Variants in DSCAM observed in about 807,000 individuals in gnomAD.
DSCAM encodes the protein DS cell adhesion molecule.
In DSCAM, 47 loss-of-function variants were observed where a neutral mutation model predicts 217.7. The ratio of observed to expected loss-of-function variants is 0.22; its 90% CI spans 0.17 to 0.28. The LOEUF is 0.28. DSCAM is among the 10% of genes least tolerant of loss of function. DSCAM has a pLI of 1.00. For synonymous variants in DSCAM, 1,056 were observed against 1,015.3 expected, an observed-to-expected ratio of 1.04 and a Z score of -0.76; for missense variants, 2,080 against 2,618.3, an observed-to-expected ratio of 0.79 and a Z score of 4.49.
chr21:40,078,626 A>G, intron 26 of DSCAM, 61 bp downstream of exon 26: 1 of 1,556,508 alleles, frequency 6.4e-7, no homozygotes, highest in East Asian at 2.3e-5. Flanking sequence ...GGAAAGGGGC[A>G]GGGCCCACGT....
At chr21:40,564,504 A>T (rs1382003647) in intron 3 of DSCAM, among the ~76,000 whole-genome samples, 3 of 152,060 alleles carry the variant, frequency 2.0e-5, no homozygotes, top group Non-Finnish European at 4.4e-5. Context: ...TTCTCTATCA[A>T]TACTTCTGGC....
chr21:40,233,307 A>G (rs1356744275), intron 11 of DSCAM, among the ~76,000 whole-genome samples: 2 of 152,200 alleles, frequency 1.3e-5, no homozygotes, highest in African/African-American at 4.8e-5. Flanking sequence ...ACCATATTAA[A>G]GTCCAAGTAA....
At chr21:40,079,028 A>G (rs1232613174) in intron 25 of DSCAM, 51 bp from the exon 26 acceptor site, 1 of 1,579,606 alleles carries the variant, frequency 6.3e-7, no homozygotes, top group African/African-American at 1.3e-5. Flanking sequence ...TGGGGAGGCC[A>G]TCAGCATCTT....
chr21:40,254,228 C>A (rs760052127), intron 11 of DSCAM, among the ~76,000 whole-genome samples: 13 of 152,106 alleles, frequency 8.5e-5, no homozygotes, highest in Non-Finnish European at 1.8e-4. Flanking sequence ...TGCATGATCT[C>A]CTCATATCAT....
At chr21:40,617,688 T>A (rs2089422362) in intron 3 of DSCAM, among the ~76,000 whole-genome samples, 1 of 152,234 alleles carries the variant, frequency 6.6e-6, no homozygotes, top group African/African-American at 2.4e-5. Flanking sequence ...AGCAGCTCCC[T>A]CCCAGTCGTT....
chr21:40,793,336 C>A (rs536551301), intron 1 of DSCAM, among the ~76,000 whole-genome samples: 1 of 152,022 alleles, frequency 6.6e-6, no homozygotes, highest in African/African-American at 2.4e-5. Flanking sequence ...GCCAAGAATG[C>A]GGAGAGAGGG....
At chr21:40,629,924 A>G (rs2089665191) in intron 3 of DSCAM, among the ~76,000 whole-genome samples, 1 of 152,220 alleles carries the variant, frequency 6.6e-6, no homozygotes, top group Admixed American at 6.5e-5. Flanking sequence ...GTAGCATGTG[A>G]ATAGTTAATA....
chr21:40,711,509 T>C (rs1294747221), intron 1 of DSCAM, among the ~76,000 whole-genome samples: 1 of 152,218 alleles, frequency 6.6e-6, no homozygotes, highest in East Asian at 1.9e-4. Context: ...CAAGGCTGAA[T>C]AGATGTGGTT....
At chr21:40,481,108 C>T (rs11088519) in intron 3 of DSCAM, among the ~76,000 whole-genome samples, 30,769 of 152,036 alleles carry the variant, frequency 0.2, 3,252 homozygotes, top group South Asian at 0.23. Context: ...TGGGCATACA[C>T]TTTTTAAAAC....
At chr21:40,385,997 A>G (rs1207687379) in intron 3 of DSCAM, among the ~76,000 whole-genome samples, 1 of 152,220 alleles carries the variant, frequency 6.6e-6, no homozygotes, top group Non-Finnish European at 1.5e-5. Flanking sequence ...AGTGTTCACC[A>G]TGAGCTTTAG....
Position 40,756,976 on chromosome 21 carries a change from C to CATGTGT in DSCAM, c.44-48206_44-48205insACACAT, listed in dbSNP as rs35592258. On this transcript the variant is annotated intron_variant, in intron 1 of 32. Transcript: ENST00000400454. ...TAAGAAAGATTGCCCAACAAATGGT[C>CATGTGT]GTGTGTGTGTGTGTGTGTGTGTGTG... Among the ~76,000 whole-genome samples the CATGTGT allele has an allele frequency of 7.4e-3, 1,107 of 149,692 alleles. 6 individuals carry two copies. The highest frequency in any genetic ancestry group is 0.015 in the African/African-American group (620 of 40,772).
intron 32 of DSCAM, among the ~76,000 whole-genome samples, chr21:40,033,707 G>T (rs1438068517): frequency 6.6e-6 from 1 of 151,770 alleles, no homozygotes; most frequent in African/African-American, 2.4e-5. Flanking sequence ...TGCCTCTGTA[G>T]GCTCCACCTC....
intron 3 of DSCAM, among the ~76,000 whole-genome samples, chr21:40,507,837 T>A (rs1474143668): frequency 6.6e-6 from 1 of 152,128 alleles, no homozygotes; most frequent in East Asian, 1.9e-4. Context: ...AGGAGACTGT[T>A]GGAGCTGCCC....
chr21:40,736,395 G>C (rs1252886066), intron 1 of DSCAM, among the ~76,000 whole-genome samples: 1 of 152,034 alleles, frequency 6.6e-6, no homozygotes. Context: ...TAAGCTCATG[G>C]GGGCCGTGGG....
At position 40,692,180 on chromosome 21, in the gene DSCAM, G is replaced by A. The variant is rs371951698; in HGVS notation, c.508+630C>T. On this transcript the variant is annotated intron_variant, in intron 3 of 32. Transcript: ENST00000400454. ...AGCACCATGCATCACGCGGACAGTC[G>A]CCTTTCCAGGTAAATAGCACAGAGC... 2.2e-4 allele frequency among the ~76,000 whole-genome samples: 33 copies of A among 152,336 alleles called. No individual in the cohort carries two copies. In the East Asian group the frequency reaches 3.3e-3, roughly 15 times the overall value.
intron 3 of DSCAM, among the ~76,000 whole-genome samples, chr21:40,386,679 C>T (rs905563378): frequency 6.6e-5 from 10 of 152,342 alleles, no homozygotes; most frequent in Non-Finnish European, 1.0e-4. Context: ...ATAAGCACTT[C>T]CTATGTTTAC....
chr21:40,628,759 GT>G (rs2089640856), intron 3 of DSCAM, among the ~76,000 whole-genome samples: 1 of 150,654 alleles, frequency 6.6e-6, no homozygotes, highest in African/African-American at 2.4e-5. Context: ...CTTTTCTTGT[GT>G]TTTTTGAGAC....
chr21:40,462,434 G>A (rs560943093), intron 3 of DSCAM, among the ~76,000 whole-genome samples: 26 of 152,166 alleles, frequency 1.7e-4, no homozygotes, highest in African/African-American at 5.8e-4. Context: ...CCTGAGAACC[G>A]CTGGCTTAAT....
At chr21:40,737,502 A>C (rs1295860004) in intron 1 of DSCAM, among the ~76,000 whole-genome samples, 1 of 152,188 alleles carries the variant, frequency 6.6e-6, no homozygotes, top group African/African-American at 2.4e-5. Context: ...TTAGCTGGGC[A>C]TAGTGGCAGG....
Sources: allele counts gnomAD v4.1 joint callset (sites outside exome capture counted in the v4.1 genomes callset), GRCh38; gene constraint gnomAD v4.1.1; transcripts MANE v1.5; gene names NCBI Gene and HGNC (gene_info 2026-07-23, HGNC 2026-07-21).